The following SH3BP5 variants were observed in gnomAD, a reference collection of about 807,000 sequenced individuals.
SH3BP5 encodes the protein SH3 domain binding protein 5.
Under a neutral mutation model 43.3 loss-of-function variants are expected in SH3BP5, and 22 were observed. The observed-to-expected ratio is 0.51, with a 90% CI of 0.36 to 0.73. The LOEUF (loss-of-function observed/expected upper bound fraction) is 0.73, where lower values mean the gene tolerates loss of function less well. Among genes scored for constraint, SH3BP5 ranks in the 30% least tolerant of loss-of-function variants. The probability of loss-of-function intolerance (pLI) is 0.00; values close to 1 mark genes in which losing one functional copy is unlikely to be tolerated. For missense variants in SH3BP5, 529 were observed against 586.9 expected (o/e 0.90, Z 1.02); for synonymous variants, 255 against 225.8 (o/e 1.13, Z -1.16).
chr3:15,296,486 A>G (rs1697575580), intron 3 of SH3BP5, among the ~76,000 whole-genome samples: 1 of 152,088 alleles, frequency 6.6e-6, no homozygotes, highest in Non-Finnish European at 1.5e-5. Flanking sequence ...TCTCTGTTCT[A>G]TGTTTGATAG....
intron 2 of SH3BP5, among the ~76,000 whole-genome samples, chr3:15,309,980 T>C (rs1478848442): frequency 6.7e-6 from 1 of 149,720 alleles, no homozygotes; most frequent in Non-Finnish European, 1.5e-5. Flanking sequence ...GGGTAACAGT[T>C]CCCAGAAGTA....
At chr3:15,302,688 C>A (rs564908823) in intron 3 of SH3BP5, among the ~76,000 whole-genome samples, 1 of 152,248 alleles carries the variant, frequency 6.6e-6, no homozygotes, top group South Asian at 2.1e-4. Context: ...TCCTAGATTT[C>A]TGGGACTTAA....
At chr3:15,268,452 C>T (rs1463987476) in intron 4 of SH3BP5, among the ~76,000 whole-genome samples, 2 of 152,154 alleles carry the variant, frequency 1.3e-5, no homozygotes, top group South Asian at 4.1e-4. Context: ...GCTGAAGCCA[C>T]AGGTCAGCTC....
intron 4 of SH3BP5, 98 bp from the exon 5 acceptor site, chr3:15,262,387 C>A: frequency 2.1e-6 from 3 of 1,397,890 alleles, no homozygotes; most frequent in Non-Finnish European, 2.9e-6. Context: ...TTTGCCCGGG[C>A]ATGGTGACAC....
intron 5 of SH3BP5, among the ~76,000 whole-genome samples, chr3:15,261,848 T>G (rs1280036379): frequency 6.6e-6 from 1 of 152,168 alleles, no homozygotes; most frequent in Non-Finnish European, 1.5e-5. Context: ...CAACCACAGA[T>G]CCCAGAGTAC....
At chr3:15,330,671 A>C (rs1698588211) in intron 1 of SH3BP5, 105 bp from the exon 2 acceptor site, 1 of 1,398,412 alleles carries the variant, frequency 7.2e-7, no homozygotes, top group Non-Finnish European at 9.3e-7. Flanking sequence ...AATTTGCAGG[A>C]AAAGGGAAGA....
chr3:15,340,045 A>C (rs1698747636), intron 1 of SH3BP5, among the ~76,000 whole-genome samples: 1 of 152,152 alleles, frequency 6.6e-6, no homozygotes, highest in Non-Finnish European at 1.5e-5. Context: ...ATGACTCATC[A>C]CCATGACCCA....
chr3:15,318,360 C>CCCT (rs1286223986), intron 2 of SH3BP5, among the ~76,000 whole-genome samples: 3 of 152,024 alleles, frequency 2.0e-5, no homozygotes, highest in Non-Finnish European at 4.4e-5. Context: ...ACAGGTATTG[C>CCCT]CCTTCACATT....
intron 2 of SH3BP5, chr3:15,304,438 AGTGTGGCGGCCACCAGCCAC>A (rs1339075770): frequency 1.2e-5 from 9 of 755,068 alleles, no homozygotes; most frequent in African/African-American, 3.5e-5. Flanking sequence ...TGCACAGTGC[AGTGTGGCGGCCACCAGCCAC>A]GTGTGGCTAC....
chr3:15,268,473 C>T (rs558711235), intron 4 of SH3BP5, among the ~76,000 whole-genome samples: 42 of 152,174 alleles, frequency 2.8e-4, no homozygotes, highest in African/African-American at 1.0e-3. Context: ...ACCCACCCAC[C>T]CTGCAGCAAA....
At chr3:15,337,084 G>GTTTTTTTTTTTTTTTTTTTTTTTTTTT, upstream of SH3BP5, among the ~76,000 whole-genome samples, 1 of 100,128 alleles carries the variant, frequency 1.0e-5, no homozygotes, top group Non-Finnish European at 1.9e-5. Flanking sequence ...TTTTAGTTTA[G>GTTTTTTTTTTTTTTTTTTTTTTTTTTT]TTTTTTTTTT....
intron 2 of SH3BP5, among the ~76,000 whole-genome samples, chr3:15,312,264 G>A (rs543409186): frequency 1.2e-3 from 183 of 152,242 alleles, no homozygotes; most frequent in African/African-American, 4.2e-3. Context: ...AAAGACTTGC[G>A]AAAGCATGTA....
intron 2 of SH3BP5, among the ~76,000 whole-genome samples, chr3:15,327,575 AGT>A (rs1698496397): frequency 6.6e-6 from 1 of 152,172 alleles, no homozygotes; most frequent in Non-Finnish European, 1.5e-5. Context: ...GCGCCCCTCC[AGT>A]GTCTCTGTCA....
chr3:15,322,048 A>G (rs1423453107), intron 2 of SH3BP5, among the ~76,000 whole-genome samples: 1 of 152,118 alleles, frequency 6.6e-6, no homozygotes, highest in African/African-American at 2.4e-5. Flanking sequence ...CTACTAAAAT[A>G]CAAAAATTAG....
At chr3:15,303,961 A>T in intron 3 of SH3BP5, 142 bp downstream of exon 3, 1 of 670,328 alleles carries the variant, frequency 1.5e-6, no homozygotes, top group East Asian at 2.7e-5. Context: ...AATGAAGCAG[A>T]TTGCGGGGCG....
chr3:15,318,422 G>A (rs1489094853), intron 2 of SH3BP5, among the ~76,000 whole-genome samples: 11 of 151,526 alleles, frequency 7.3e-5, no homozygotes, highest in South Asian at 2.1e-4. Flanking sequence ...AAGACTGTAC[G>A]GCACATTAAG....
upstream of SH3BP5, among the ~76,000 whole-genome samples, chr3:15,334,877 A>G (rs1057289889): frequency 1.5e-4 from 23 of 152,144 alleles, no homozygotes; most frequent in Admixed American, 5.2e-4. Flanking sequence ...GCTTAAGCCC[A>G]GGAGGTAGAG....
upstream of SH3BP5, among the ~76,000 whole-genome samples, chr3:15,333,510 A>C (rs2124837292): frequency 6.6e-6 from 1 of 152,322 alleles, no homozygotes; most frequent in African/African-American, 2.4e-5. Context: ...GCCACCTTAC[A>C]AAACCTGGGT....
intron 1 of SH3BP5, chr3:15,332,025 C>A: frequency 1.8e-6 from 1 of 563,500 alleles, no homozygotes; most frequent in South Asian, 2.2e-5. Context: ...TGCACCGACC[C>A]CGATCCTGCT....
Sources: allele counts gnomAD v4.1 joint callset (sites outside exome capture counted in the v4.1 genomes callset), GRCh38; gene constraint gnomAD v4.1.1; transcripts MANE v1.5; gene names NCBI Gene and HGNC (gene_info 2026-07-23, HGNC 2026-07-21).